The following MLLT3 variants were observed in gnomAD, a reference collection of about 807,000 sequenced individuals.
MLLT3 encodes MLLT3 super elongation complex subunit.
In MLLT3, 4 loss-of-function variants were observed where a neutral mutation model predicts 53.2. The observed-to-expected ratio is 0.08, with a 90% CI of 0.04 to 0.17. The LOEUF is 0.17. MLLT3 is among the 10% of genes least tolerant of loss of function. The pLI is 1.00. For synonymous variants in MLLT3, 283 were observed against 230.6 expected (o/e 1.23, Z -2.06); for missense variants, 569 against 684.0 (o/e 0.83, Z 1.87).
chr9:20,562,366 C>A (rs181979871), intron 2 of MLLT3, among the ~76,000 whole-genome samples: 22 of 151,322 alleles, frequency 1.5e-4, no homozygotes, highest in South Asian at 8.3e-4. Context: ...GCAATCCTCA[C>A]CAAAAAAAAA....
intron 2 of MLLT3, among the ~76,000 whole-genome samples, chr9:20,571,492 C>T (rs959555863): frequency 2.6e-5 from 4 of 152,146 alleles, no homozygotes; most frequent in African/African-American, 7.2e-5. Flanking sequence ...GCAGAACATG[C>T]AGGTTTGTTA....
At chr9:20,464,730 T>C (rs1169150055) in intron 2 of MLLT3, among the ~76,000 whole-genome samples, 2 of 152,104 alleles carry the variant, frequency 1.3e-5, no homozygotes, top group East Asian at 1.9e-4. Flanking sequence ...CAGAGGAAGA[T>C]GTGCAAACAA....
At chr9:20,618,729 C>T (rs769802636) in intron 2 of MLLT3, among the ~76,000 whole-genome samples, 1 of 152,174 alleles carries the variant, frequency 6.6e-6, no homozygotes, top group East Asian at 1.9e-4. Flanking sequence ...GTGAGCAGCA[C>T]CCTCATGTTC....
intron 5 of MLLT3, among the ~76,000 whole-genome samples, chr9:20,368,054 C>A (rs138261000): frequency 2.0e-4 from 31 of 152,208 alleles, no homozygotes; most frequent in African/African-American, 7.0e-4. Flanking sequence ...GAGCAGCAGG[C>A]GGCCTACCAA....
intron 4 of MLLT3, among the ~76,000 whole-genome samples, chr9:20,428,618 G>T (rs899057597): frequency 1.3e-5 from 2 of 151,954 alleles, no homozygotes; most frequent in African/African-American, 4.8e-5. Context: ...GATGATAAAT[G>T]CACAGAAGAA....
intron 2 of MLLT3, among the ~76,000 whole-genome samples, chr9:20,577,946 T>C (rs1187620820): frequency 6.6e-6 from 1 of 152,236 alleles, no homozygotes; most frequent in Non-Finnish European, 1.5e-5. Context: ...TAAAACCTGA[T>C]CCTCCAGTAT....
At chr9:20,525,735 T>C (rs1416900225) in intron 2 of MLLT3, among the ~76,000 whole-genome samples, 1 of 152,208 alleles carries the variant, frequency 6.6e-6, no homozygotes, top group Non-Finnish European at 1.5e-5. Context: ...ACAACCTTGT[T>C]GCTGTAAGAT....
chr9:20,492,067 G>C lies in MLLT3; in HGVS notation c.194-35281C>G, dbSNP rs192566793. Reference sequence around the variant, plus strand: ...ATTTATTAACCTATTTAGAAAAAAAGAGATGATTTCTAGCCTAATAAATTT... The same window carrying C: ...ATTTATTAACCTATTTAGAAAAAAACAGATGATTTCTAGCCTAATAAATTT... On this transcript the variant is annotated intron_variant, in intron 2 of 10. Coordinates refer to ENST00000380338, the MANE Select transcript of MLLT3 (RefSeq NM_004529.4). Among the ~76,000 whole-genome samples the C allele has an allele frequency of 7.9e-5, 12 of 151,990 alleles. No individual in the cohort carries two copies. The East Asian group carries it at 9.6e-4, about 12-fold the overall frequency.
In MLLT3 at chr9:20,372,554, ATTTTTTTTTTTT is replaced by A. The variant is rs34889625; in HGVS notation, c.1126-6822_1126-6811del. Among the ~76,000 whole-genome samples the A allele has an allele frequency of 7.8e-4, 64 of 82,228 alleles. 1 individual carries two copies. Among genetic ancestry groups the A allele is most frequent in the African/African-American group, 1.8e-3 (38 of 21,394 alleles). The allele number at this position is 82,228 out of a possible 152,430, so 53.9% of individuals were successfully genotyped here. A position where few individuals can be genotyped will look rare whatever the true frequency, so the allele number is the denominator to read the frequency against. ...AGGCACCCGCCACCACGCCCGGCTA[ATTTTTTTTTTTT>A]TTTTTTTTTTTTTTTGTATTTTTAG... is the stretch of plus-strand genomic sequence containing the variant. On this transcript the variant is annotated intron_variant, in intron 5 of 10. Transcript: ENST00000380338.
At chr9:20,468,676 A>T (rs796904341) in intron 2 of MLLT3, among the ~76,000 whole-genome samples, 16 of 152,292 alleles carry the variant, frequency 1.1e-4, no homozygotes, top group African/African-American at 3.4e-4. Flanking sequence ...TTGTCCTTTA[A>T]CCACTTACTC....
intron 5 of MLLT3, among the ~76,000 whole-genome samples, chr9:20,405,976 G>C (rs1174103362): frequency 2.6e-5 from 4 of 152,060 alleles, no homozygotes; most frequent in African/African-American, 7.2e-5. Context: ...GCAGGGCATG[G>C]TGGTATGCGC....
chr9:20,430,909 A>G (rs535094094), intron 4 of MLLT3, among the ~76,000 whole-genome samples: 1 of 152,164 alleles, frequency 6.6e-6, no homozygotes, highest in South Asian at 2.1e-4. Context: ...AATAAGTGGA[A>G]GACATGAACA....
At chr9:20,589,534 T>C (rs934168528) in intron 2 of MLLT3, among the ~76,000 whole-genome samples, 65 of 150,358 alleles carry the variant, frequency 4.3e-4, no homozygotes, top group African/African-American at 1.5e-3. Context: ...TGTATACGTA[T>C]GTAACTAACC....
At chr9:20,568,069 CATAA>C (rs1819429355) in intron 2 of MLLT3, among the ~76,000 whole-genome samples, 1 of 152,000 alleles carries the variant, frequency 6.6e-6, no homozygotes, top group Non-Finnish European at 1.5e-5. Context: ...AATAAGTACT[CATAA>C]ATAAAGTAAA....
intron 2 of MLLT3, among the ~76,000 whole-genome samples, chr9:20,546,124 C>A (rs1304624971): frequency 1.3e-5 from 2 of 152,148 alleles, no homozygotes; most frequent in Non-Finnish European, 2.9e-5. Flanking sequence ...ATTTTTATTT[C>A]TCTGACCTCT....
chr9:20,349,861 C>G (rs940017552), intron 10 of MLLT3, among the ~76,000 whole-genome samples: 7 of 152,144 alleles, frequency 4.6e-5, no homozygotes, highest in African/African-American at 1.7e-4. Flanking sequence ...AAATGAGCCC[C>G]ACGTTTTTAT....
At chr9:20,541,488 G>C (rs1818628294) in intron 2 of MLLT3, among the ~76,000 whole-genome samples, 1 of 152,180 alleles carries the variant, frequency 6.6e-6, no homozygotes, top group Non-Finnish European at 1.5e-5. Flanking sequence ...AATCATGGCA[G>C]AGAGAGAAGC....
In MLLT3 at chr9:20,525,801, A is replaced by G. The variant is rs564161560; in HGVS notation, c.194-69015T>C. On this transcript the variant is annotated intron_variant, in intron 2 of 10. Transcript: ENST00000380338. ...GGCTTTTAATACCTTTCATCAAACT[A>G]TTACTTATAACTGGTCTCACAAGAC... Among the ~76,000 whole-genome samples, 10 of 152,286 alleles carry G rather than the reference A, an allele frequency of 6.6e-5. No homozygotes were observed. The South Asian group carries it at 2.1e-3, about 32-fold the overall frequency.
intron 2 of MLLT3, among the ~76,000 whole-genome samples, chr9:20,590,538 GTCTC>G (rs918390616): frequency 2.0e-5 from 3 of 152,052 alleles, no homozygotes; most frequent in African/African-American, 4.8e-5. Flanking sequence ...TTGTCTGTCT[GTCTC>G]TCTCTCTGTC....
Sources: allele counts gnomAD v4.1 joint callset (sites outside exome capture counted in the v4.1 genomes callset), GRCh38; gene constraint gnomAD v4.1.1; transcripts MANE v1.5; gene names NCBI Gene and HGNC (gene_info 2026-07-23, HGNC 2026-07-21).